The following TEX10 variants were observed in gnomAD, a reference collection of about 807,000 sequenced individuals.
TEX10 encodes the protein testis-expressed protein 10.
TEX10 carries 24 observed loss-of-function variants against 104.4 expected under a neutral mutation model. The ratio of observed to expected loss-of-function variants is 0.23; its 90% CI spans 0.17 to 0.32. The LOEUF is 0.32. Ranked by LOEUF, TEX10 falls within the 10% of genes least tolerant of loss-of-function variation. The pLI is 1.00. For missense variants in TEX10, 921 were observed against 1,083.9 expected (o/e 0.85, Z 2.11); for synonymous variants, 396 against 393.4 (o/e 1.01, Z -0.08).
Position 100,352,937 on chromosome 9 carries a change from A to G in TEX10, c.-175T>C, listed in dbSNP as rs965562425. On this transcript the variant is annotated 5_prime_UTR_variant, in exon 1 of 15. Coordinates refer to ENST00000374902, the MANE Select transcript of TEX10 (RefSeq NM_017746.4). Reference sequence around the variant, plus strand: ...CCGCGTCTCCTTCCGCCGCCCGGAAATCAGGGCCCCTCCCCCTCCCTGCTG... The same window carrying G: ...CCGCGTCTCCTTCCGCCGCCCGGAAGTCAGGGCCCCTCCCCCTCCCTGCTG... 8 of 991,630 alleles carry G rather than the reference A, an allele frequency of 8.1e-6. No homozygotes were observed. Among genetic ancestry groups the G allele is most frequent in the Non-Finnish European group, 1.2e-6 (1 of 834,718 alleles). 61.4% of individuals were successfully genotyped at this position (991,630 alleles called of 1,614,324 possible). A position where few individuals can be genotyped will look rare whatever the true frequency, so the allele number is the denominator to read the frequency against.
At position 100,340,181 on chromosome 9, in the gene TEX10, T is replaced by C. The variant is rs1023489410; in HGVS notation, c.1250+76A>G. 4 of 859,418 alleles carry C rather than the reference T, an allele frequency of 4.7e-6. No homozygotes were observed. In the Admixed American group the frequency reaches 1.2e-4, roughly 26 times the overall value. The allele number at this position is 859,418 out of a possible 1,614,324, so 53.2% of individuals were successfully genotyped here. A position where few individuals can be genotyped will look rare whatever the true frequency, so the allele number is the denominator to read the frequency against. ...ACACAGCAGTGTAGAAAGTTCCATA[T>C]TAAGGTTAATTACTTCCTGATAATT... On this transcript the variant is annotated intron_variant, in intron 5 of 14. Coordinates refer to ENST00000374902, the MANE Select transcript of TEX10 (RefSeq NM_017746.4).
intron 11 of TEX10, 59 bp downstream of exon 11, chr9:100,320,206 T>C: frequency 6.7e-7 from 1 of 1,494,628 alleles, no homozygotes; most frequent in Non-Finnish European, 9.0e-7. Context: ...ATAGTAACTA[T>C]TACTGGTTGA....
intron 11 of TEX10, among the ~76,000 whole-genome samples, chr9:100,317,487 C>T (rs1039245406): frequency 6.6e-6 from 1 of 152,086 alleles, no homozygotes; most frequent in African/African-American, 2.4e-5. Context: ...CAAAAATCAA[C>T]TCGAGATGAT....
rs1442926205 is a variant in TEX10, at chr9:100,321,721, T to C, written c.2030A>G (p.Asp677Gly). 9 of 1,612,562 alleles carry C rather than the reference T, an allele frequency of 5.6e-6. No individual in the cohort carries two copies. Among genetic ancestry groups the C allele is most frequent in the Non-Finnish European group, 7.6e-6 (9 of 1,179,710 alleles). ...KYSAKDWLMS[D>G]VDYFSFLFST... The stretch of plus-strand genomic sequence containing the variant: ...AAATAAGAAGCTGAAATAGTCTACA[T>C]CACTCATCAACCAGTCTTTAGCTGA... The change falls in exon 10 of 15, where the codon GAT becomes GGT. Residue 677 changes from aspartate (D) to glycine (G), a missense_variant. This residue lies in a region of TEX10 where 753 missense variants were observed against 868.4 expected (regional missense o/e 0.87). Coordinates refer to ENST00000374902, the MANE Select transcript of TEX10 (RefSeq NM_017746.4).
chr9:100,349,253 A>G lies in TEX10; in HGVS notation c.111T>C (p.Thr37=), dbSNP rs1835379992. ...NATPTNFKTK[T]IHLPEQLKED... ...CTTTGAGTTGCTCAGGCAGATGTAT[A>G]GTCTTTGTTTTAAAGTTTGTAGGAG... Residue 37 remains threonine (T), a synonymous_variant, in exon 2 of 15, where the codon ACT becomes ACC. Coordinates refer to ENST00000374902, the MANE Select transcript of TEX10 (RefSeq NM_017746.4). 6.2e-7 allele frequency: 1 copy of G among 1,606,034 alleles called. No homozygotes were observed. Among genetic ancestry groups the G allele is most frequent in the African/African-American group, 1.3e-5 (1 of 74,474 alleles).
intron 5 of TEX10, among the ~76,000 whole-genome samples, chr9:100,338,135 G>A (rs1245520868): frequency 1.3e-5 from 2 of 152,146 alleles, no homozygotes; most frequent in African/African-American, 4.8e-5. Flanking sequence ...GGTACAAAGG[G>A]CCTAGAAAGC....
At chr9:100,348,976 T>G (rs960710247) in intron 2 of TEX10, among the ~76,000 whole-genome samples, 1 of 152,142 alleles carries the variant, frequency 6.6e-6, no homozygotes, top group Admixed American at 6.5e-5. Flanking sequence ...AACTGTGCAT[T>G]TAGTTTAGCG....
chr9:100,344,197 G>A (rs1325856781), intron 4 of TEX10, among the ~76,000 whole-genome samples: 5 of 152,084 alleles, frequency 3.3e-5, no homozygotes, highest in Admixed American at 2.0e-4. Flanking sequence ...GCTTTATACA[G>A]TATCTCAATT....
At chr9:100,334,756 T>C (rs570553212) in intron 5 of TEX10, among the ~76,000 whole-genome samples, 1 of 151,584 alleles carries the variant, frequency 6.6e-6, no homozygotes. Context: ...CCTCCACCTC[T>C]GGGCTTCAAG....
intron 5 of TEX10, among the ~76,000 whole-genome samples, chr9:100,340,041 A>G (rs1835136248): frequency 6.6e-6 from 1 of 152,186 alleles, no homozygotes; most frequent in Admixed American, 6.5e-5. Flanking sequence ...TAGCACAAAA[A>G]AACCATTTTA....
At chr9:100,342,119 A>G (rs564483983) in intron 4 of TEX10, among the ~76,000 whole-genome samples, 1 of 152,094 alleles carries the variant, frequency 6.6e-6, no homozygotes, top group African/African-American at 2.4e-5. Flanking sequence ...TCTCACCTCA[A>G]AGCCATTGTA....
At position 100,327,932 on chromosome 9, in the gene TEX10, C is replaced by T. The variant is rs757422592; in HGVS notation, c.1656G>A (p.Leu552=). Residue 552 remains leucine (L), a synonymous_variant, in exon 8 of 15, where the codon CTG becomes CTA. Coordinates refer to ENST00000374902, the MANE Select transcript of TEX10 (RefSeq NM_017746.4). Reference sequence around the variant, plus strand: ...GAGCAAGTTGCAATGGTAAGCCAGCCAGCCAACGGGATAACACTTTACTAC... The same window carrying T: ...GAGCAAGTTGCAATGGTAAGCCAGCTAGCCAACGGGATAACACTTTACTAC... ...RYRSKVLSRW[L]AGLPLQLAHL... The T allele has an allele frequency of 2.5e-6, 4 of 1,593,250 alleles. No individual in the cohort carries two copies. The highest frequency in any genetic ancestry group is 2.7e-5 in the African/African-American group (2 of 74,648).
chr9:100,335,234 G>A (rs1305542103), intron 5 of TEX10, among the ~76,000 whole-genome samples: 2 of 151,796 alleles, frequency 1.3e-5, no homozygotes, highest in Non-Finnish European at 2.9e-5. Flanking sequence ...GAGAAGTCTC[G>A]CTCTGTCGCC....
intron 14 of TEX10, among the ~76,000 whole-genome samples, chr9:100,303,306 T>A (rs1422055012): frequency 3.9e-5 from 6 of 152,196 alleles, no homozygotes; most frequent in African/African-American, 1.4e-4. Context: ...AGTTCATTAA[T>A]AGAGTCTGTA....
intron 7 of TEX10, among the ~76,000 whole-genome samples, chr9:100,328,619 T>C (rs1217836831): frequency 6.6e-6 from 1 of 152,228 alleles, no homozygotes; most frequent in Non-Finnish European, 1.5e-5. Flanking sequence ...CAACTACCTA[T>C]ATATGTTGAG....
chr9:100,316,603 A>T (rs1205742669), intron 11 of TEX10, among the ~76,000 whole-genome samples: 1 of 152,044 alleles, frequency 6.6e-6, no homozygotes, highest in Non-Finnish European at 1.5e-5. Context: ...CTGTTTGCTG[A>T]TATGATTATT....
intron 11 of TEX10, among the ~76,000 whole-genome samples, chr9:100,315,877 G>A (rs564782205): frequency 2.5e-4 from 38 of 152,202 alleles, no homozygotes; most frequent in African/African-American, 7.5e-4. Context: ...AATATGTCAC[G>A]ATGAAGTCCT....
intron 13 of TEX10, chr9:100,307,303 A>G (rs2118827916): frequency 6.6e-6 from 1 of 152,256 alleles, no homozygotes; most frequent in African/African-American, 2.4e-5. Context: ...ACACAATTAT[A>G]CTCATTTATT....
At chr9:100,304,719 A>G (rs1415311880) in intron 13 of TEX10, 3 of 152,056 alleles carry the variant, frequency 2.0e-5, no homozygotes, top group African/African-American at 4.8e-5. Flanking sequence ...TTAGCCAGGC[A>G]TGGTGGCACG....
Sources: gnomAD v4.1 joint callset for allele counts (sites outside exome capture counted in the v4.1 genomes callset) on GRCh38, gnomAD v4.1.1 for gene constraint, gnomAD v4.1.1 regional missense constraint, MANE v1.5 for transcripts, NCBI Gene and HGNC (gene_info 2026-07-23, HGNC 2026-07-21) for gene names.